MCC: variants seen among roughly 807,000 people sequenced by gnomAD.
MCC encodes colorectal mutant cancer protein.
MCC carries 90 observed loss-of-function variants against 116.2 expected under a neutral mutation model. That is an observed-to-expected ratio of 0.77 (90% CI 0.65 to 0.92). The LOEUF is 0.92. Ranked by LOEUF, MCC falls within the 40% of genes least tolerant of loss-of-function variation. MCC has a pLI of 0.00. For synonymous variants in MCC, 578 were observed against 510.5 expected (o/e 1.13, Z -1.78); for missense variants, 1,516 against 1,312.2 (o/e 1.16, Z -2.40).
chr5:113,387,442 G>A (rs953509921), intron 1 of MCC, among the ~76,000 whole-genome samples: 5 of 152,178 alleles, frequency 3.3e-5, no homozygotes, highest in Non-Finnish European at 7.3e-5. Flanking sequence ...GCTAAAGCAG[G>A]AATACCAACA....
At chr5:113,164,301 T>A (rs1253588933) in intron 3 of MCC, among the ~76,000 whole-genome samples, 1 of 152,158 alleles carries the variant, frequency 6.6e-6, no homozygotes, top group Admixed American at 6.5e-5. Flanking sequence ...ATTTGCAAAT[T>A]TTACCTTACA....
chr5:113,151,267 C>CA, intron 4 of MCC, 42 bp downstream of exon 4: 1 of 1,261,884 alleles, frequency 7.9e-7, no homozygotes, highest in African/African-American at 1.5e-5. Flanking sequence ...ATATTTAAAA[C>CA]AAAAAACAAA....
intron 15 of MCC, among the ~76,000 whole-genome samples, chr5:113,052,903 A>G (rs1445238548): frequency 1.3e-5 from 2 of 152,176 alleles, no homozygotes; most frequent in African/African-American, 4.8e-5. Context: ...CATCAGCATC[A>G]CAAAGACACC....
chr5:113,480,912 C>T (rs1772361886), intron 1 of MCC, among the ~76,000 whole-genome samples: 2 of 152,184 alleles, frequency 1.3e-5, no homozygotes, highest in Admixed American at 1.3e-4. Context: ...GTAGCCAGTA[C>T]TACAGGTGCA....
At chr5:113,037,251 C>G (rs911977562) in intron 17 of MCC, among the ~76,000 whole-genome samples, 4 of 152,098 alleles carry the variant, frequency 2.6e-5, no homozygotes, top group African/African-American at 9.7e-5. Context: ...CATTCAGGGA[C>G]AAATGTTGGT....
chr5:113,455,345 G>A (rs1771513550), intron 1 of MCC, among the ~76,000 whole-genome samples: 1 of 152,078 alleles, frequency 6.6e-6, no homozygotes, highest in African/African-American at 2.4e-5. Context: ...GCTCCCTGAA[G>A]ACAAGAGTGG....
chr5:113,321,811 C>T (rs576259919), intron 3 of MCC, among the ~76,000 whole-genome samples: 10 of 152,052 alleles, frequency 6.6e-5, no homozygotes, highest in African/African-American at 2.4e-4. Context: ...CGGGGTGATG[C>T]CCATGATTTG....
At chr5:113,085,063 G>A (rs886169177) in intron 9 of MCC, 101 bp downstream of exon 9, 2 of 1,523,932 alleles carry the variant, frequency 1.3e-6, no homozygotes, top group Non-Finnish European at 1.8e-6. Context: ...CCCTTGTGCT[G>A]TCTCAGCTAA....
intron 13 of MCC, among the ~76,000 whole-genome samples, chr5:113,067,290 G>A (rs898975262): frequency 2.0e-5 from 3 of 152,170 alleles, no homozygotes; most frequent in Non-Finnish European, 4.4e-5. Context: ...AGAGCAGGGG[G>A]TGAAACTACT....
intron 3 of MCC, 74 bp from the exon 4 acceptor site, chr5:113,151,496 G>C (rs1759874949): frequency 2.6e-6 from 2 of 761,038 alleles, no homozygotes; most frequent in Admixed American, 2.7e-5. Context: ...CCCGCAACTA[G>C]TATAACCAAA....
intron 17 of MCC, among the ~76,000 whole-genome samples, chr5:113,035,416 G>A (rs1016176422): frequency 2.1e-4 from 32 of 152,126 alleles, no homozygotes; most frequent in Admixed American, 1.8e-3. Context: ...GCATCCCTCT[G>A]CCCTGGTTTT....
chr5:113,335,116 T>C (rs919722077), intron 3 of MCC, among the ~76,000 whole-genome samples: 1 of 151,638 alleles, frequency 6.6e-6, no homozygotes, highest in African/African-American at 2.4e-5. Flanking sequence ...CTAGCACACA[T>C]CCTCTAGATC....
intron 3 of MCC, among the ~76,000 whole-genome samples, chr5:113,333,856 T>TATGTACATATATGTACATATGTAC (rs1349641086): frequency 9.9e-6 from 1 of 100,888 alleles, no homozygotes; most frequent in Non-Finnish European, 2.4e-5. Flanking sequence ...TATATGTACA[T>TATGTACATATATGTACATATGTAC]ATATGTATAT....
At position 113,184,391 on chromosome 5, in the gene MCC, T is replaced by G. The variant is rs183476980; in HGVS notation, c.628-32969A>C. 1.7e-4 allele frequency among the ~76,000 whole-genome samples: 26 copies of G among 152,244 alleles called. No individual in the cohort carries two copies. The East Asian group carries it at 4.8e-3, about 28-fold the overall frequency. On this transcript the variant is annotated intron_variant, in intron 3 of 18. Coordinates refer to ENST00000408903, the MANE Select transcript of MCC (RefSeq NM_001085377.2). ...GGTTAGAAAGATGCTGGAAGAAAAA[T>G]TAGACCAACTTGTAAAACTTTACTT...
intron 3 of MCC, among the ~76,000 whole-genome samples, chr5:113,282,113 G>A (rs1766068269): frequency 6.6e-6 from 1 of 152,142 alleles, no homozygotes; most frequent in South Asian, 2.1e-4. Flanking sequence ...CTAGGAAGTG[G>A]CAGGGCTATG....
intron 3 of MCC, among the ~76,000 whole-genome samples, chr5:113,184,288 T>C (rs1220410605): frequency 6.6e-6 from 1 of 152,182 alleles, no homozygotes; most frequent in East Asian, 1.9e-4. Context: ...CAGCATCTGA[T>C]TCTTTGCCAC....
intron 1 of MCC, among the ~76,000 whole-genome samples, chr5:113,403,364 C>T (rs1221210301): frequency 1.3e-5 from 2 of 152,132 alleles, no homozygotes; most frequent in African/African-American, 2.4e-5. Flanking sequence ...ATGCCATCAA[C>T]GTTTTATATT....
At chr5:113,260,483 T>A (rs1765181712) in intron 3 of MCC, among the ~76,000 whole-genome samples, 1 of 152,104 alleles carries the variant, frequency 6.6e-6, no homozygotes, top group African/African-American at 2.4e-5. Context: ...AGATAAACAG[T>A]TGGAAAATGA....
intron 3 of MCC, chr5:113,294,894 C>G (rs1766662052): frequency 1.0e-6 from 1 of 985,574 alleles, no homozygotes; most frequent in Non-Finnish European, 1.2e-6. Context: ...CGGAGCGGAG[C>G]TGCACTTCAC....
Sources: allele counts gnomAD v4.1 joint callset (sites outside exome capture counted in the v4.1 genomes callset), GRCh38; gene constraint gnomAD v4.1.1; transcripts MANE v1.5; gene names NCBI Gene and HGNC (gene_info 2026-07-23, HGNC 2026-07-21).